The following WFDC6 variants were observed in gnomAD, a reference collection of about 807,000 sequenced individuals.
WFDC6 encodes WAP four-disulfide core domain 6, also known as WAP four-disulfide core domain protein 6.
A neutral mutation model predicts 8.2 loss-of-function variants in WFDC6; 10 were observed. The observed-to-expected ratio is 1.22, with a 90% CI of 0.75 to 2.07. The LOEUF (loss-of-function observed/expected upper bound fraction) is 2.07, where lower values mean the gene tolerates loss of function less well. Among genes scored for constraint, WFDC6 ranks in the 30% most tolerant of loss-of-function variants. The probability of loss-of-function intolerance (pLI) is 0.00; values close to 1 mark genes in which losing one functional copy is unlikely to be tolerated. For missense variants in WFDC6, 105 were observed against 104.9 expected, an observed-to-expected ratio of 1.00 and a Z score of 0.00; for synonymous variants, 28 against 37.0, an observed-to-expected ratio of 0.76 and a Z score of 0.88.
chr20:45,538,009 C>T lies in WFDC6; in HGVS notation c.177G>A (p.Lys59=), dbSNP rs1979433806. 2 of 1,613,908 alleles carry T rather than the reference C, an allele frequency of 1.2e-6. No individual in the cohort carries two copies. Among genetic ancestry groups the T allele is most frequent in the Non-Finnish European group, 1.7e-6 (2 of 1,179,956 alleles). ...TKPRDCPENM[K]CCPFSRGKKC... ...TCTTTCCACGGCTGAACGGGCAACA[C>T]TTCATGTTTTCTGGGCAATCTCTGG... Residue 59 remains lysine, a synonymous_variant, in exon 2 of 3, where the codon AAG becomes AAA. Transcript: ENST00000372670.
intron 1 of WFDC6, among the ~76,000 whole-genome samples, chr20:45,538,774 G>C (rs1205680034): frequency 1.3e-5 from 2 of 152,214 alleles, no homozygotes; most frequent in African/African-American, 4.8e-5. Flanking sequence ...CTACTCAGGG[G>C]TGGAGCCAGG....
chr20:45,536,306 C>T (rs1190108427), intron 2 of WFDC6, among the ~76,000 whole-genome samples: 1 of 151,224 alleles, frequency 6.6e-6, no homozygotes, highest in Non-Finnish European at 1.5e-5. Context: ...ATTTATTGAG[C>T]AATTATTTTG....
Position 45,537,966 on chromosome 20 carries a change from T to C in WFDC6, c.220A>G (p.Lys74Glu), listed in dbSNP as rs201334841. 6.2e-7 allele frequency: 1 copy of C among 1,613,882 alleles called. No individual in the cohort carries two copies. The highest frequency in any genetic ancestry group is 1.3e-5 in the African/African-American group (1 of 75,000). ...AATTTAGGAAGCATCTGAGTTACCTTTCTGAAGTCTAAACATTTCTTTCCA... is the reference window on the plus strand; with the variant it reads ...AATTTAGGAAGCATCTGAGTTACCTCTCTGAAGTCTAAACATTTCTTTCCA... ...SRGKKCLDFR[K>E]VSLTLYHKEE... Residue 74 changes from lysine (K) to glutamate (E), a missense_variant and splice_region_variant, in exon 2 of 3, where the codon AAG becomes GAG. Transcript: ENST00000372670.
intron 2 of WFDC6, among the ~76,000 whole-genome samples, chr20:45,536,251 GAAAA>G (rs11467724): frequency 1.4e-5 from 2 of 147,316 alleles, no homozygotes; most frequent in East Asian, 4.0e-4. Flanking sequence ...AGTATTCACA[GAAAA>G]AAAAAAAAAC....
chr20:45,537,901 A>T, intron 2 of WFDC6, 63 bp downstream of exon 2: 4 of 1,610,844 alleles, frequency 2.5e-6, no homozygotes, highest in Non-Finnish European at 3.4e-6. Context: ...AGACAGAGGT[A>T]GTGCAGTGCA....
At chr20:45,537,557 A>T in intron 2 of WFDC6, 1 of 1,549,936 alleles carries the variant, frequency 6.5e-7, no homozygotes, top group Non-Finnish European at 8.7e-7. Flanking sequence ...AGGCCTAGAG[A>T]AAAAAGCCAG....
chr20:45,537,429 A>G (rs189330498), intron 2 of WFDC6: 3 of 1,143,206 alleles, frequency 2.6e-6, no homozygotes, highest in African/African-American at 3.1e-5. Context: ...TTGAATGAAT[A>G]GAATGAACGA....
intron 2 of WFDC6, among the ~76,000 whole-genome samples, chr20:45,535,830 C>A (rs1979343805): frequency 6.6e-6 from 1 of 152,200 alleles, no homozygotes. Flanking sequence ...CCCAGAGGGA[C>A]TTCAGAATCC....
chr20:45,535,276 A>G (rs1979321849), intron 2 of WFDC6: 1 of 1,304,208 alleles, frequency 7.7e-7, no homozygotes, highest in Non-Finnish European at 1.0e-6. Context: ...TTGTACCACC[A>G]GTGTGGTATG....
At chr20:45,535,140 A>C in intron 2 of WFDC6, 1 of 1,298,606 alleles carries the variant, frequency 7.7e-7, no homozygotes, top group Non-Finnish European at 1.0e-6. Context: ...AGCACAGGAG[A>C]CCGGGACCTC....
At chr20:45,537,930 G>A in intron 2 of WFDC6, 34 bp downstream of exon 2, 5 of 1,613,502 alleles carry the variant, frequency 3.1e-6, no homozygotes, top group Non-Finnish European at 4.2e-6. Context: ...TAGGAGGTGA[G>A]GGCACTGGGT....
At chr20:45,539,260 C>T (rs1210735093) in intron 1 of WFDC6, 57 bp downstream of exon 1, 1 of 1,523,198 alleles carries the variant, frequency 6.6e-7, no homozygotes, top group Non-Finnish European at 9.1e-7. Flanking sequence ...TTCTTTGTTC[C>T]TTCCTCCCCA....
intron 2 of WFDC6, chr20:45,535,134 C>T: frequency 2.3e-6 from 3 of 1,295,268 alleles, no homozygotes; most frequent in Non-Finnish European, 3.0e-6. Flanking sequence ...TTGGTGAGCA[C>T]AGGAGACCGG....
chr20:45,537,159 A>G (rs1438911051), intron 2 of WFDC6: 1 of 240,066 alleles, frequency 4.2e-6, no homozygotes, highest in East Asian at 8.1e-5. Context: ...AATATACACT[A>G]CCAGTTTCCT....
chr20:45,537,284 C>T, intron 2 of WFDC6: 2 of 544,374 alleles, frequency 3.7e-6, no homozygotes, highest in Non-Finnish European at 6.6e-6. Context: ...CTATTTCTTC[C>T]CATTTTTGGT....
At position 45,539,390 on chromosome 20, in the gene WFDC6, A is replaced by T. The variant is rs1979498117; in HGVS notation, c.18T>A (p.Leu6=). MGLSG[L]LPILVPFILL... ...GGATGAATGGTACCAGGATTGGCAG[A>T]AGTCCTGAGAGTCCCATTTTAGGAA... The change falls in exon 1 of 3, where the codon CTT becomes CTA. Residue 6 remains leucine (L), a synonymous_variant. Coordinates refer to ENST00000372670, the MANE Select transcript of WFDC6 (RefSeq NM_080827.2). 6.2e-7 allele frequency: 1 copy of T among 1,613,882 alleles called. No individual in the cohort carries two copies.
chr20:45,534,644 C>T (rs1979296676), intron 2 of WFDC6, 139 bp from the exon 3 acceptor site: 2 of 972,008 alleles, frequency 2.1e-6, no homozygotes, highest in Non-Finnish European at 3.1e-6. Context: ...AGTTTGGGGG[C>T]TCCTAGAATG....
intron 2 of WFDC6, chr20:45,535,021 T>A: frequency 3.5e-5 from 20 of 575,748 alleles, no homozygotes; most frequent in Non-Finnish European, 4.8e-5. Flanking sequence ...TTTCCCAAAA[T>A]ATCCTTCTAC....
intron 1 of WFDC6, among the ~76,000 whole-genome samples, chr20:45,538,941 G>A (rs1237042911): frequency 1.3e-5 from 2 of 152,182 alleles, no homozygotes; most frequent in Admixed American, 1.3e-4. Flanking sequence ...TCCTCTGTGG[G>A]TATGGGTGTG....
Sources: allele counts gnomAD v4.1 joint callset (sites outside exome capture counted in the v4.1 genomes callset), GRCh38; gene constraint gnomAD v4.1.1; transcripts MANE v1.5; gene names NCBI Gene and HGNC (gene_info 2026-07-23, HGNC 2026-07-21).